Variants in SATB1 observed in about 807,000 individuals in gnomAD.
SATB1 encodes DNA-binding protein SATB1.
In SATB1, 11 loss-of-function variants were observed where a neutral mutation model predicts 86.9. The ratio of observed to expected loss-of-function variants is 0.13; its 90% confidence interval spans 0.08 to 0.21. The LOEUF (loss-of-function observed/expected upper bound fraction) is 0.21. Among genes scored for constraint, SATB1 ranks in the 10% least tolerant of loss-of-function variants. The pLI is 1.00. For missense variants in SATB1, 551 were observed against 937.6 expected (o/e 0.59, Z 5.39); for synonymous variants, 357 against 357.2 (o/e 1.00, Z 0.01).
intron 8 of SATB1, among the ~76,000 whole-genome samples, chr3:18,380,085 G>A (rs1042815891): frequency 6.6e-6 from 1 of 152,130 alleles, no homozygotes; most frequent in South Asian, 2.1e-4. Context: ...GCTCTGGGGT[G>A]GTCTTGCTTT....
intron 7 of SATB1, among the ~76,000 whole-genome samples, chr3:18,391,066 T>C (rs927794830): frequency 6.6e-6 from 1 of 152,130 alleles, no homozygotes; most frequent in African/African-American, 2.4e-5. Context: ...GAAAAATTCC[T>C]TAAAACAAGT....
At chr3:18,376,274 G>A (rs200215909) in intron 9 of SATB1, among the ~76,000 whole-genome samples, 3 of 25,178 alleles carry the variant, frequency 1.2e-4, no homozygotes, top group Non-Finnish European at 2.5e-4. Context: ...AAATGATGGC[G>A]GGGGTGGGGG....
At chr3:18,381,695 C>CT (rs1470842244) in intron 8 of SATB1, among the ~76,000 whole-genome samples, 1 of 151,984 alleles carries the variant, frequency 6.6e-6, no homozygotes, top group Non-Finnish European at 1.5e-5. Context: ...TCATTAATGT[C>CT]TAATTTTTTA....
At chr3:18,426,712 A>C (rs1463489689), upstream of SATB1, among the ~76,000 whole-genome samples, 2 of 152,238 alleles carry the variant, frequency 1.3e-5, no homozygotes, top group Admixed American at 6.5e-5. The surrounding 1 kb of genome is among the most constrained non-coding windows in gnomAD (Gnocchi z 4.2). Context: ...GGTAGGGAAA[A>C]GAGAAAAATC....
chr3:18,365,213 A>G (rs1003956557), intron 9 of SATB1, among the ~76,000 whole-genome samples: 4 of 152,320 alleles, frequency 2.6e-5, no homozygotes, highest in African/African-American at 9.6e-5. Context: ...TGGGCTTACA[A>G]TTTCTGAATA....
At chr3:18,377,262 A>G (rs1308084719) in intron 9 of SATB1, among the ~76,000 whole-genome samples, 1 of 152,202 alleles carries the variant, frequency 6.6e-6, no homozygotes, top group African/African-American at 2.4e-5. Flanking sequence ...TACTTGTGTA[A>G]AATTTCAAGT....
At chr3:18,387,924 G>C (rs1392260980) in intron 7 of SATB1, among the ~76,000 whole-genome samples, 1 of 152,094 alleles carries the variant, frequency 6.6e-6, no homozygotes, top group African/African-American at 2.4e-5. Context: ...CCATGTTGCC[G>C]AAATGCAACA....
intron 2 of SATB1, chr3:18,417,801 CT>C: frequency 1.7e-6 from 1 of 597,134 alleles, no homozygotes; most frequent in African/African-American, 1.9e-5. Context: ...AATCAACAAT[CT>C]TTGTTACAGT....
chr3:18,370,562 AAAAG>A (rs1298955937), intron 9 of SATB1, among the ~76,000 whole-genome samples: 29 of 144,006 alleles, frequency 2.0e-4, no homozygotes, highest in African/African-American at 7.2e-4. Flanking sequence ...AGAAAAAAGA[AAAAG>A]AAAAGAAAAG....
intron 9 of SATB1, chr3:18,353,025 C>A (rs1470019327): frequency 6.6e-6 from 1 of 152,160 alleles, no homozygotes; most frequent in African/African-American, 2.4e-5. Context: ...CCTTGGCTGC[C>A]ATGATGGACA....
At chr3:18,380,997 A>G (rs1004201199) in intron 8 of SATB1, among the ~76,000 whole-genome samples, 4 of 152,234 alleles carry the variant, frequency 2.6e-5, no homozygotes, top group African/African-American at 9.6e-5. Flanking sequence ...CACAGGAGGT[A>G]AAATAAATGC....
In SATB1 at chr3:18,386,331, T is replaced by C; in HGVS notation, c.1419+68A>G. The C allele has an allele frequency of 8.4e-7, 1 of 1,194,632 alleles. No individual in the cohort carries two copies. Among genetic ancestry groups the C allele is most frequent in the Non-Finnish European group, 1.2e-6 (1 of 823,836 alleles). The allele number at this position is 1,194,632 out of a possible 1,614,324, so 74.0% of individuals were successfully genotyped here. A position where few individuals can be genotyped will look rare whatever the true frequency, so the allele number is the denominator to read the frequency against. On this transcript the variant is annotated intron_variant, in intron 8 of 10. Transcript: ENST00000338745. The surrounding 1 kb of genome is among the most constrained non-coding windows in gnomAD (Gnocchi z 4.5). The stretch of plus-strand genomic sequence containing the variant: ...TGTATCTATCTATCTAATTTCTTAT[T>C]GAGATTCTTCCTCAAGCATTAAAAA...
chr3:18,383,259 C>T (rs183889101), intron 8 of SATB1, among the ~76,000 whole-genome samples: 13 of 152,260 alleles, frequency 8.5e-5, no homozygotes, highest in African/African-American at 3.1e-4. Flanking sequence ...TAGGTGTCCC[C>T]AGGTGGGGTC....
chr3:18,368,291 AT>A (rs1695289957), intron 9 of SATB1, among the ~76,000 whole-genome samples: 1 of 152,234 alleles, frequency 6.6e-6, no homozygotes, highest in South Asian at 2.1e-4. Flanking sequence ...GTAGATTAAG[AT>A]GGGAGAAACA....
rs541602878 is a variant in SATB1 at position 18,417,146 on chromosome 3, G to A, written c.212-68C>T. The A allele has an allele frequency of 1.8e-5, 27 of 1,494,192 alleles. No individual in the cohort carries two copies. The African/African-American group carries it at 1.8e-4, about 10-fold the overall frequency. 92.6% of individuals were successfully genotyped at this position (1,494,192 alleles called of 1,614,324 possible). A position where few individuals can be genotyped will look rare whatever the true frequency, so the allele number is the denominator to read the frequency against. ...TTCAGAAATACAGCTTGGGGGTGGC[G>A]GGAGGAAATATTAGCCATGAAAATA... is the stretch of plus-strand genomic sequence containing the variant. On this transcript the variant is annotated intron_variant, in intron 2 of 10. Transcript: ENST00000338745.
chr3:18,425,561 G>C (rs1016721848), upstream of SATB1, among the ~76,000 whole-genome samples: 83 of 151,644 alleles, frequency 5.5e-4, no homozygotes, highest in Admixed American at 1.6e-3. Flanking sequence ...GTGAGGGAAT[G>C]GGGGGAGCGC....
At chr3:18,432,333 G>A (rs1698914672) in intron 2 of SATB1, among the ~76,000 whole-genome samples, 1 of 152,174 alleles carries the variant, frequency 6.6e-6, no homozygotes, top group Non-Finnish European at 1.5e-5. Context: ...TAACCAAGAT[G>A]TACATATCAA....
intron 5 of SATB1, among the ~76,000 whole-genome samples, chr3:18,410,631 G>A (rs1282561596): frequency 6.6e-6 from 1 of 151,960 alleles, no homozygotes; most frequent in Non-Finnish European, 1.5e-5. Flanking sequence ...CCTGGCATAC[G>A]GCAGACTGTC....
chr3:18,372,725 T>C (rs981153753), intron 9 of SATB1, among the ~76,000 whole-genome samples: 1 of 152,230 alleles, frequency 6.6e-6, no homozygotes, highest in African/African-American at 2.4e-5. Flanking sequence ...ACTATTAATG[T>C]CAATATTTAA....
Sources: allele counts gnomAD v4.1 joint callset (sites outside exome capture counted in the v4.1 genomes callset), GRCh38; gene constraint gnomAD v4.1.1; non-coding constraint Gnocchi (gnomAD v3.1); transcripts MANE v1.5; gene names NCBI Gene and HGNC (gene_info 2026-07-23, HGNC 2026-07-21).